The following PCDH7 variants were observed in gnomAD, a reference collection of about 807,000 sequenced individuals.
PCDH7 encodes the protein protocadherin 7.
Under a neutral mutation model 58.9 loss-of-function variants are expected in PCDH7, and 17 were observed. That is an observed-to-expected ratio of 0.29 (90% CI 0.20 to 0.43). The LOEUF is 0.43. PCDH7 is among the 20% of genes least tolerant of loss of function. The pLI, the probability that PCDH7 is intolerant of heterozygous loss-of-function variation, is 1.00. For missense variants in PCDH7, 1,274 were observed against 1,441.0 expected (o/e 0.88, Z 1.88); for synonymous variants, 664 against 616.4 (o/e 1.08, Z -1.14).
At chr4:31,059,889 A>T (rs1378539261) in intron 3 of PCDH7, among the ~76,000 whole-genome samples, 1 of 151,792 alleles carries the variant, frequency 6.6e-6, no homozygotes, top group Non-Finnish European at 1.5e-5. Context: ...GTAACCTTAG[A>T]GATCATCTAA....
At chr4:30,979,993 G>A (rs1750409957) in intron 3 of PCDH7, among the ~76,000 whole-genome samples, 1 of 152,032 alleles carries the variant, frequency 6.6e-6, no homozygotes, top group Admixed American at 6.6e-5. Context: ...AGGAATTTTT[G>A]TCACAGTGAT....
chr4:30,738,048 C>G (rs959865172), intron 1 of PCDH7, among the ~76,000 whole-genome samples: 19 of 152,108 alleles, frequency 1.2e-4, no homozygotes, highest in African/African-American at 4.3e-4. Flanking sequence ...TCCTCTGTGC[C>G]TGAGTGGAGA....
intron 1 of PCDH7, among the ~76,000 whole-genome samples, chr4:30,746,287 A>G (rs532586352): frequency 1.7e-4 from 26 of 152,328 alleles, no homozygotes; most frequent in African/African-American, 5.8e-4. Context: ...ACATTTAAAA[A>G]GTGTCCTGGC....
intron 3 of PCDH7, among the ~76,000 whole-genome samples, chr4:30,953,156 A>C (rs1361468889): frequency 6.6e-6 from 1 of 152,126 alleles, no homozygotes; most frequent in Non-Finnish European, 1.5e-5. Context: ...AATTCCAGGG[A>C]CACAAAGTCT....
Position 31,097,606 on chromosome 4 carries a change from AT to A in PCDH7, c.*8-44866del, listed in dbSNP as rs1714237471. ...AATATACATATATATATATATATAT[AT>A]ATATATATATATATATATATATATA... On this transcript the variant is annotated intron_variant, in intron 3 of 3. Transcript: ENST00000509759. Among the ~76,000 whole-genome samples, 2 of 32,484 alleles carry A rather than the reference AT, an allele frequency of 6.2e-5. 1 individual carries two copies. Among genetic ancestry groups the A allele is most frequent in the Non-Finnish European group, 9.5e-5 (2 of 21,096 alleles). The allele number at this position is 32,484 out of a possible 152,430, so 21.3% of individuals were successfully genotyped here. A position where few individuals can be genotyped will look rare whatever the true frequency, so the allele number is the denominator to read the frequency against.
intron 2 of PCDH7, among the ~76,000 whole-genome samples, chr4:30,940,429 A>G (rs1745889625): frequency 6.6e-6 from 1 of 152,072 alleles, no homozygotes; most frequent in South Asian, 2.1e-4. Flanking sequence ...TCCCAACATT[A>G]TAGCCACTTA....
chr4:30,789,875 CCTT>C (rs950114595), intron 1 of PCDH7, among the ~76,000 whole-genome samples: 1 of 152,150 alleles, frequency 6.6e-6, no homozygotes, highest in Non-Finnish European at 1.5e-5. Context: ...TCTAAATAAA[CCTT>C]CTACCCTTTC....
intron 3 of PCDH7, among the ~76,000 whole-genome samples, chr4:31,016,732 T>G (rs1234586941): frequency 6.6e-6 from 1 of 152,194 alleles, no homozygotes; most frequent in African/African-American, 2.4e-5. Context: ...GACTCTTACA[T>G]GAGCTGTCTC....
intron 1 of PCDH7, among the ~76,000 whole-genome samples, chr4:30,728,952 G>A (rs2109234965): frequency 1.3e-5 from 2 of 151,252 alleles, no homozygotes; most frequent in African/African-American, 4.8e-5. Context: ...ATTAATATGT[G>A]AAAAATATCT....
At chr4:30,887,940 A>G (rs1578176480) in intron 1 of PCDH7, among the ~76,000 whole-genome samples, 1 of 148,790 alleles carries the variant, frequency 6.7e-6, no homozygotes, top group East Asian at 2.0e-4. Flanking sequence ...CAGTGGTGCT[A>G]TCTCTGCTCA....
intron 1 of PCDH7, among the ~76,000 whole-genome samples, chr4:30,860,390 T>G (rs968715804): frequency 1.3e-5 from 2 of 151,102 alleles, no homozygotes; most frequent in Non-Finnish European, 2.9e-5. Flanking sequence ...AGAGAGGACA[T>G]TGGCAAGTGT....
intron 1 of PCDH7, among the ~76,000 whole-genome samples, chr4:30,875,111 T>C (rs1322736622): frequency 1.3e-5 from 2 of 152,086 alleles, no homozygotes; most frequent in African/African-American, 4.8e-5. Context: ...ACAACATGAA[T>C]TTATTTTCTC....
chr4:30,814,825 TAA>T (rs1409159239), intron 1 of PCDH7, among the ~76,000 whole-genome samples: 1 of 152,132 alleles, frequency 6.6e-6, no homozygotes, highest in East Asian at 1.9e-4. Flanking sequence ...GGTAAGAATG[TAA>T]GAGTGAATTA....
At chr4:30,736,489 T>G (rs1716276845), downstream of PCDH7, among the ~76,000 whole-genome samples, 1 of 151,846 alleles carries the variant, frequency 6.6e-6, no homozygotes, top group East Asian at 1.9e-4. Context: ...CTGGCACAAA[T>G]GTCATTTTAG....
intron 3 of PCDH7, among the ~76,000 whole-genome samples, chr4:31,090,339 C>G (rs894474721): frequency 6.6e-6 from 1 of 152,070 alleles, no homozygotes; most frequent in Non-Finnish European, 1.5e-5. Context: ...TATTTTGATA[C>G]AGGCATGCAG....
chr4:30,824,084 TTTCTTTCTTTC>T (rs1344397846), intron 1 of PCDH7, among the ~76,000 whole-genome samples: 164 of 8,720 alleles, frequency 0.019, 1 homozygote, highest in South Asian at 0.039. Flanking sequence ...GTTTCTTTTC[TTTCTTTCTTTC>T]TTTCTTTCTT....
At chr4:30,809,333 G>T (rs1185905166) in intron 1 of PCDH7, among the ~76,000 whole-genome samples, 1 of 152,004 alleles carries the variant, frequency 6.6e-6, no homozygotes, top group Non-Finnish European at 1.5e-5. Flanking sequence ...GAATACCTAA[G>T]TCTCTCCCCT....
chr4:30,837,361 GATT>G (rs1730617414), intron 1 of PCDH7, among the ~76,000 whole-genome samples: 1 of 151,878 alleles, frequency 6.6e-6, no homozygotes, highest in African/African-American at 2.4e-5. Flanking sequence ...GAGAGAGAAT[GATT>G]AATGTAAGCC....
chr4:30,808,125 A>G (rs1726491112), intron 1 of PCDH7, among the ~76,000 whole-genome samples: 1 of 152,198 alleles, frequency 6.6e-6, no homozygotes, highest in Non-Finnish European at 1.5e-5. Flanking sequence ...AGAGATGAAG[A>G]GATGCTAGTA....
Sources: gnomAD v4.1 joint callset for allele counts (sites outside exome capture counted in the v4.1 genomes callset) on GRCh38, gnomAD v4.1.1 for gene constraint, MANE v1.5 for transcripts, NCBI Gene and HGNC (gene_info 2026-07-23, HGNC 2026-07-21) for gene names.